OR1J2: variants seen among roughly 807,000 people sequenced by gnomAD.
OR1J2 encodes the protein olfactory receptor 1J2.
For synonymous variants in OR1J2, 142 were observed against 99.7 expected (o/e 1.42, Z -2.52); for missense variants, 304 against 246.1 (o/e 1.24, Z -1.57).
chr9:122,506,653 T>C (rs1263132117), upstream of OR1J2, among the ~76,000 whole-genome samples: 1 of 151,506 alleles, frequency 6.6e-6, no homozygotes, highest in Non-Finnish European at 1.5e-5. Flanking sequence ...AATAGATGAG[T>C]TTATAAGTGC....
the OR1J2 span, among the ~76,000 whole-genome samples, chr9:122,468,814 ACCT>A: frequency 6.6e-6 from 1 of 152,080 alleles, no homozygotes; most frequent in East Asian, 1.9e-4. Flanking sequence ...TAGCGGACTA[ACCT>A]CCTATGAACC....
the OR1J2 span, among the ~76,000 whole-genome samples, chr9:122,559,867 C>A: frequency 1.3e-5 from 2 of 152,162 alleles, no homozygotes; most frequent in African/African-American, 2.4e-5. Context: ...GAGCTGAGTT[C>A]AAGTCCTGAA....
At chr9:122,457,428 A>G in the OR1J2 span, among the ~76,000 whole-genome samples, 2 of 152,182 alleles carry the variant, frequency 1.3e-5, no homozygotes, top group Non-Finnish European at 2.9e-5. Flanking sequence ...ACTACCGACA[A>G]TGAGCAGCAA....
the OR1J2 span, among the ~76,000 whole-genome samples, chr9:122,466,096 A>G: frequency 6.6e-6 from 1 of 152,108 alleles, no homozygotes; most frequent in African/African-American, 2.4e-5. Context: ...TGGTTCATAT[A>G]CTTTTTGTGA....
At chr9:122,521,806 G>T in the OR1J2 span, among the ~76,000 whole-genome samples, 1 of 152,180 alleles carries the variant, frequency 6.6e-6, no homozygotes, top group African/African-American at 2.4e-5. Flanking sequence ...CTGTTGTTCA[G>T]ATCCCTGAAG....
chr9:122,520,215 C>A, the OR1J2 span: 3 of 574,248 alleles, frequency 5.2e-6, no homozygotes, highest in African/African-American at 3.7e-5. Context: ...TACAGTTATT[C>A]TCCCTTTTCC....
the OR1J2 span, chr9:122,477,578 A>C: frequency 1.2e-6 from 2 of 1,614,186 alleles, no homozygotes; most frequent in East Asian, 4.5e-5. Context: ...TATGCCATTG[A>C]AGTGATAAGG....
the OR1J2 span, among the ~76,000 whole-genome samples, chr9:122,564,401 A>G: frequency 6.6e-6 from 1 of 152,076 alleles, no homozygotes. Flanking sequence ...TGACTTGTGG[A>G]GTGGGGGGGT....
At chr9:122,524,241 G>A in the OR1J2 span, among the ~76,000 whole-genome samples, 1 of 152,194 alleles carries the variant, frequency 6.6e-6, no homozygotes, top group Non-Finnish European at 1.5e-5. Flanking sequence ...GGGAGCATTA[G>A]TTATACCATA....
chr9:122,497,556 C>CT, the OR1J2 span, among the ~76,000 whole-genome samples: 6 of 151,782 alleles, frequency 4.0e-5, no homozygotes, highest in African/African-American at 7.3e-5. Context: ...TGGATCTTCT[C>CT]TTTTTTTTGT....
At chr9:122,568,292 G>C in the OR1J2 span, 6 of 1,614,146 alleles carry the variant, frequency 3.7e-6, no homozygotes, top group South Asian at 6.6e-5. Flanking sequence ...AACTCAAGAA[G>C]AAATACATAG....
chr9:122,519,141 A>C, the OR1J2 span: 1 of 1,587,518 alleles, frequency 6.3e-7, no homozygotes, highest in African/African-American at 1.3e-5. Context: ...GACTGTCAGC[A>C]TGAAGAGGGA....
At chr9:122,578,660 G>T in the OR1J2 span, among the ~76,000 whole-genome samples, 1 of 151,712 alleles carries the variant, frequency 6.6e-6, no homozygotes, top group East Asian at 1.9e-4. Context: ...CGGCAACCTG[G>T]ATGGAACTGG....
At chr9:122,459,311 C>T in the OR1J2 span, among the ~76,000 whole-genome samples, 1 of 152,128 alleles carries the variant, frequency 6.6e-6, no homozygotes, top group Non-Finnish European at 1.5e-5. Flanking sequence ...AGATACCTAG[C>T]AATAAGATTG....
At chr9:122,458,760 A>G in the OR1J2 span, among the ~76,000 whole-genome samples, 1 of 152,158 alleles carries the variant, frequency 6.6e-6, no homozygotes, top group African/African-American at 2.4e-5. Flanking sequence ...GCCAAACCAT[A>G]TCATGGGGGG....
chr9:122,502,363 G>A, the OR1J2 span, among the ~76,000 whole-genome samples: 1 of 152,078 alleles, frequency 6.6e-6, no homozygotes, highest in South Asian at 2.1e-4. Flanking sequence ...GCTTCAGTTG[G>A]TCTCAAGGCT....
chr9:122,550,854 C>T, the OR1J2 span, among the ~76,000 whole-genome samples: 1 of 151,582 alleles, frequency 6.6e-6, no homozygotes, highest in Non-Finnish European at 1.5e-5. Context: ...CGAAGATGAC[C>T]ACTTTCATCA....
At chr9:122,509,878 T>C (rs560021537), upstream of OR1J2, among the ~76,000 whole-genome samples, 4 of 152,322 alleles carry the variant, frequency 2.6e-5, no homozygotes, top group South Asian at 8.3e-4. Flanking sequence ...ATACAATCCC[T>C]AATTTCTTAG....
At chr9:122,536,009 C>A in the OR1J2 span, among the ~76,000 whole-genome samples, 1 of 152,066 alleles carries the variant, frequency 6.6e-6, no homozygotes, top group African/African-American at 2.4e-5. Flanking sequence ...AAGATAATGT[C>A]ATCAGTGAAG....
Sources: allele counts gnomAD v4.1 joint callset (sites outside exome capture counted in the v4.1 genomes callset), GRCh38; gene constraint gnomAD v4.1.1; transcripts MANE v1.5; gene names NCBI Gene and HGNC (gene_info 2026-07-23, HGNC 2026-07-21).